The following SMARCC1 variants were observed in gnomAD, a reference collection of about 807,000 sequenced individuals.
The protein encoded by SMARCC1 is SWI/SNF related BAF chromatin remodeling complex subunit C1.
Under a neutral mutation model 147.4 loss-of-function variants are expected in SMARCC1, and 43 were observed. The observed-to-expected ratio is 0.29, with a 90% CI of 0.23 to 0.38. The LOEUF (loss-of-function observed/expected upper bound fraction) is 0.38. Ranked by LOEUF, SMARCC1 falls within the 10% of genes least tolerant of loss-of-function variation. The pLI is 1.00. For synonymous variants in SMARCC1, 495 were observed against 484.4 expected (o/e 1.02, Z -0.29); for missense variants, 1,119 against 1,381.1 (o/e 0.81, Z 3.01).
At chr3:47,746,092 T>C (rs762666569) in intron 2 of SMARCC1, 99 bp from the exon 3 acceptor site, 43 of 689,194 alleles carry the variant, frequency 6.2e-5, no homozygotes, top group Non-Finnish European at 1.0e-4. Context: ...TATAAACAAA[T>C]ACTAATTAAA....
chr3:47,749,910 G>A (rs1302398275), intron 2 of SMARCC1, among the ~76,000 whole-genome samples: 2 of 151,266 alleles, frequency 1.3e-5, no homozygotes, highest in Admixed American at 6.6e-5. Flanking sequence ...GTGAAACCCC[G>A]TCTCTACTAA....
Position 47,598,825 on chromosome 3 carries a change from CAAAAAAAAAA to C in SMARCC1, c.3044-7998_3044-7989del, listed in dbSNP as rs59776566. ...CCTGGGCTACAGAGGGACTCTGTCT[CAAAAAAAAAA>C]AAAAAAAAAAAAAAAAGAGAGAGAG... On this transcript the variant is annotated intron_variant, in intron 26 of 27. Transcript: ENST00000254480. Among the ~76,000 whole-genome samples the C allele has an allele frequency of 6.1e-3, 419 of 68,986 alleles. 5 individuals carry two copies. The highest frequency in any genetic ancestry group is 0.023 in the African/African-American group (401 of 17,486). The allele number at this position is 68,986 out of a possible 152,430, so 45.3% of individuals were successfully genotyped here. A position where few individuals can be genotyped will look rare whatever the true frequency, so the allele number is the denominator to read the frequency against.
intron 10 of SMARCC1, among the ~76,000 whole-genome samples, chr3:47,701,967 C>A (rs2033924076): frequency 6.6e-6 from 1 of 151,816 alleles, no homozygotes; most frequent in Admixed American, 6.6e-5. Context: ...CGGGCAGTAT[C>A]ACAAAAGGGA....
chr3:47,739,797 T>C (rs181124096), intron 3 of SMARCC1, among the ~76,000 whole-genome samples: 10 of 152,302 alleles, frequency 6.6e-5, no homozygotes, highest in Admixed American at 6.5e-4. Context: ...GGCTACCCAC[T>C]ACCACTCAAT....
In SMARCC1 at chr3:47,710,663, A is replaced by C. The variant is rs1330325624; in HGVS notation, c.918+20T>G. ...CAAGAAGACAGACTTAATGATGAGA[A>C]ACTGTGCCAAAGAAAATACCTCTTC... On this transcript the variant is annotated intron_variant, in intron 9 of 27. Coordinates refer to ENST00000254480, the MANE Select transcript of SMARCC1 (RefSeq NM_003074.4). 6.2e-7 allele frequency: 1 copy of C among 1,610,730 alleles called. No homozygotes were observed. The highest frequency in any genetic ancestry group is 2.2e-5 in the East Asian group (1 of 44,796).
At chr3:47,676,021 C>T (rs1442074840) in intron 17 of SMARCC1, among the ~76,000 whole-genome samples, 2 of 151,936 alleles carry the variant, frequency 1.3e-5, no homozygotes, top group African/African-American at 4.8e-5. Context: ...TAAATACCCA[C>T]ACTTCTACAC....
At chr3:47,652,663 C>A (rs1576399689) in intron 21 of SMARCC1, among the ~76,000 whole-genome samples, 1 of 149,480 alleles carries the variant, frequency 6.7e-6, no homozygotes, top group East Asian at 2.0e-4. Context: ...AAAGGATTCT[C>A]CTGAAAAGAA....
chr3:47,699,723 G>A (rs2033895627), intron 11 of SMARCC1, among the ~76,000 whole-genome samples: 1 of 151,834 alleles, frequency 6.6e-6, no homozygotes, highest in Non-Finnish European at 1.5e-5. Context: ...TCTGTGTTTA[G>A]TGCCAGATAA....
intron 3 of SMARCC1, among the ~76,000 whole-genome samples, chr3:47,745,612 C>A (rs994450621): frequency 2.0e-5 from 3 of 152,138 alleles, no homozygotes; most frequent in Admixed American, 6.6e-5. Flanking sequence ...ACTCAGGAGG[C>A]TGGGGCATGA....
chr3:47,701,631 T>C (rs1360079930), intron 10 of SMARCC1: 3 of 448,752 alleles, frequency 6.7e-6, no homozygotes, highest in South Asian at 2.6e-5. Context: ...CTGACCAACA[T>C]AGCGAATCCC....
At chr3:47,717,401 G>T (rs1038085881) in intron 7 of SMARCC1, among the ~76,000 whole-genome samples, 60 of 152,104 alleles carry the variant, frequency 3.9e-4, no homozygotes, top group Non-Finnish European at 1.6e-4. Flanking sequence ...AAGGTTTTAA[G>T]AAAGGGGAGG....
In SMARCC1 at chr3:47,588,034, C is replaced by A. The variant is rs977845698; in HGVS notation, c.*175G>T. 4.2e-5 allele frequency: 25 copies of A among 591,490 alleles called. No individual in the cohort carries two copies. Among genetic ancestry groups the A allele is most frequent in the East Asian group, 3.2e-4 (11 of 34,356 alleles). 36.6% of individuals were successfully genotyped at this position (591,490 alleles called of 1,614,324 possible). A position where few individuals can be genotyped will look rare whatever the true frequency, so the allele number is the denominator to read the frequency against. On this transcript the variant is annotated 3_prime_UTR_variant, in exon 28 of 28. Transcript: ENST00000254480. ...CCTTGAGTGTTGGCTGAGGACCCAA[C>A]ACAAAAAGTGTCAGAGAGAGGGGTG...
chr3:47,716,793 G>GAAT (rs2034161469), intron 7 of SMARCC1, among the ~76,000 whole-genome samples: 1 of 152,158 alleles, frequency 6.6e-6, no homozygotes, highest in African/African-American at 2.4e-5. Context: ...GACTGGGAGT[G>GAAT]CTTTACAGAA....
chr3:47,772,481 A>G (rs1180523087), intron 2 of SMARCC1, among the ~76,000 whole-genome samples: 1 of 152,210 alleles, frequency 6.6e-6, no homozygotes, highest in Non-Finnish European at 1.5e-5. Context: ...CAAAATATAA[A>G]AAATTCCATA....
chr3:47,639,644 G>A (rs1233694578), intron 21 of SMARCC1, among the ~76,000 whole-genome samples: 1 of 152,048 alleles, frequency 6.6e-6, no homozygotes, highest in East Asian at 1.9e-4. Context: ...AACCAAGGAG[G>A]CGGAGGTTGC....
intron 19 of SMARCC1, among the ~76,000 whole-genome samples, chr3:47,669,621 A>G (rs560095567): frequency 6.6e-6 from 1 of 152,342 alleles, no homozygotes; most frequent in African/African-American, 2.4e-5. Flanking sequence ...ATATGAGAAT[A>G]TATTAAAATA....
At chr3:47,660,318 C>T (rs1003351163) in intron 21 of SMARCC1, among the ~76,000 whole-genome samples, 3 of 151,674 alleles carry the variant, frequency 2.0e-5, no homozygotes, top group South Asian at 2.1e-4. Context: ...TGGTGGCAGG[C>T]GCCTGTAGTC....
At chr3:47,696,077 AGGG>A (rs56779302) in intron 11 of SMARCC1, among the ~76,000 whole-genome samples, 27 of 25,152 alleles carry the variant, frequency 1.1e-3, no homozygotes, top group Admixed American at 7.0e-3. Context: ...AAAAAAAAAA[AGGG>A]GGGGGGGGGG....
At chr3:47,664,156 C>T (rs1017330645) in intron 19 of SMARCC1, among the ~76,000 whole-genome samples, 8 of 150,634 alleles carry the variant, frequency 5.3e-5, no homozygotes, top group Non-Finnish European at 1.0e-4. Flanking sequence ...ATCTCCCCTC[C>T]ACTCCCCTGC....
Sources: allele counts gnomAD v4.1 joint callset (sites outside exome capture counted in the v4.1 genomes callset), GRCh38; gene constraint gnomAD v4.1.1; transcripts MANE v1.5; gene names NCBI Gene and HGNC (gene_info 2026-07-23, HGNC 2026-07-21).